MED1: variants seen among roughly 807,000 people sequenced by gnomAD.
The protein encoded by MED1 is mediator complex subunit 1.
A neutral mutation model predicts 121.3 loss-of-function variants in MED1; 17 were observed. The observed-to-expected ratio is 0.14, with a 90% CI of 0.10 to 0.21. The LOEUF is 0.21. Ranked by LOEUF, MED1 falls within the 10% of genes least tolerant of loss-of-function variation. MED1 has a pLI of 1.00. For synonymous variants in MED1, 661 were observed against 694.4 expected, an observed-to-expected ratio of 0.95 and a Z score of 0.76; for missense variants, 1,558 against 1,919.4, an observed-to-expected ratio of 0.81 and a Z score of 3.52.
At chr17:39,414,674 T>TTTTTTTTTTA (rs2048390339) in intron 16 of MED1, among the ~76,000 whole-genome samples, 1 of 34,946 alleles carries the variant, frequency 2.9e-5, no homozygotes, top group Non-Finnish European at 5.6e-5. Flanking sequence ...TTTTTTTTTT[T>TTTTTTTTTTA]ACAACAAAAA....
At chr17:39,447,930 T>A in intron 1 of MED1, 26 bp from the exon 2 acceptor site, 1 of 1,469,238 alleles carries the variant, frequency 6.8e-7, no homozygotes, top group Non-Finnish European at 9.5e-7. Flanking sequence ...GAAAACGTTA[T>A]CAGTAACTGT....
chr17:39,420,195 CTCTTT>C (rs1334441680), intron 13 of MED1, among the ~76,000 whole-genome samples: 1 of 148,660 alleles, frequency 6.7e-6, no homozygotes, highest in African/African-American at 2.5e-5. Flanking sequence ...AATGCAAAAT[CTCTTT>C]TTTTTTTTTT....
At position 39,406,065 on chromosome 17, in the gene MED1, CT is replaced by C; in HGVS notation, c.*1409del. ...GAGAGGACCCTCCAAATACTGAGAA[CT>C]TCTGTTGCACTCGAAACAGTCTCCT... On this transcript the variant is annotated 3_prime_UTR_variant, in exon 17 of 17. Transcript: ENST00000300651. 1 of 985,522 alleles carries C rather than the reference CT, an allele frequency of 1.0e-6. No homozygotes were observed. Among genetic ancestry groups the C allele is most frequent in the African/African-American group, 1.7e-5 (1 of 57,342 alleles). 61.0% of individuals were successfully genotyped at this position (985,522 alleles called of 1,614,324 possible).
At position 39,407,966 on chromosome 17, in the gene MED1, C is replaced by T. The variant is rs1460585811; in HGVS notation, c.4255G>A (p.Glu1419Lys). The T allele has an allele frequency of 1.2e-6, 2 of 1,614,102 alleles. No homozygotes were observed. Among genetic ancestry groups the T allele is most frequent in the Non-Finnish European group, 1.7e-6 (2 of 1,180,026 alleles). The stretch of plus-strand genomic sequence containing the variant: ...GAAGCCATTTGAGGCCTAAGCCCTT[C>T]TCCACTACTTTCCCCAGGTTTCTGC... ...TLQKPGESSG[E>K]GLRPQMASSK... The change falls in exon 17 of 17, where the codon GAA (glutamate) becomes AAA (lysine). Residue 1419 changes from glutamate (E) to lysine (K), a missense_variant. Around this residue, in one of 5 missense-constraint regions of MED1, gnomAD observed 264 missense variants for 326.1 expected, o/e 0.81. Coordinates refer to ENST00000300651, the MANE Select transcript of MED1 (RefSeq NM_004774.4).
intron 6 of MED1, 79 bp downstream of exon 6, chr17:39,439,086 T>C: frequency 7.7e-7 from 1 of 1,294,716 alleles, no homozygotes; most frequent in Non-Finnish European, 1.1e-6. Flanking sequence ...GGAGAATAAC[T>C]TCTGACCAGT....
chr17:39,405,243 G>C lies in MED1; in HGVS notation c.*2232C>G, dbSNP rs529318502. On this transcript the variant is annotated 3_prime_UTR_variant, in exon 17 of 17. Coordinates refer to ENST00000300651, the MANE Select transcript of MED1 (RefSeq NM_004774.4). Reference sequence around the variant, plus strand: ...CAAGTTCAGATGCTGGGTCAGTGTGGGGGTGAGCCCATCGACAATTCAGGG... The same window carrying C: ...CAAGTTCAGATGCTGGGTCAGTGTGCGGGTGAGCCCATCGACAATTCAGGG... 3.8e-6 allele frequency: 6 copies of C among 1,596,570 alleles called. No homozygotes were observed. The East Asian group carries it at 1.1e-4, about 30-fold the overall frequency.
intron 9 of MED1, 93 bp from the exon 10 acceptor site, chr17:39,427,883 A>G (rs1222527488): frequency 2.5e-6 from 2 of 790,034 alleles, no homozygotes; most frequent in Admixed American, 5.6e-5. Context: ...GATATTCAAG[A>G]AAGTACTTTA....
Position 39,415,077 on chromosome 17 carries a change from A to T in MED1, c.1448T>A (p.Leu483Gln), listed in dbSNP as rs1237437451. ...THVSCKLYKG[L>Q]SDALICTDDF... is the part of the protein sequence containing the mutation. ...ATCTGTGCAGATCAGTGCATCCGAC[A>T]GCCCTTTGTAGAGTTTACAGCTCAC... The change falls in exon 16 of 17, where the codon CTG (leucine) becomes CAG (glutamine). Residue 483 changes from leucine (L) to glutamine (Q), a missense_variant. Physicochemically the swap from Leu to Gln is moderately radical, Grantham distance 113. Transcript: ENST00000300651. 6.2e-7 allele frequency: 1 copy of T among 1,614,104 alleles called. No homozygotes were observed. The highest frequency in any genetic ancestry group is 2.2e-5 in the East Asian group (1 of 44,894).
intron 1 of MED1, among the ~76,000 whole-genome samples, chr17:39,449,211 C>T (rs2048758135): frequency 6.6e-6 from 1 of 152,134 alleles, no homozygotes; most frequent in African/African-American, 2.4e-5. Context: ...AACAGGGTCT[C>T]GCTCTGTCGC....
At chr17:39,411,043 G>A (rs994434056) in intron 16 of MED1, among the ~76,000 whole-genome samples, 4 of 152,200 alleles carry the variant, frequency 2.6e-5, no homozygotes, top group East Asian at 1.9e-4. Flanking sequence ...CTTAGGGGCC[G>A]GGCACAGTGG....
At chr17:39,434,519 T>A (rs946251551) in intron 6 of MED1, among the ~76,000 whole-genome samples, 199 bp from the exon 7 acceptor site, 3 of 152,146 alleles carry the variant, frequency 2.0e-5, no homozygotes, top group African/African-American at 4.8e-5. Flanking sequence ...GTCTCCCTCC[T>A]CCATTTTTTC....
chr17:39,424,846 C>G, intron 10 of MED1, 108 bp from the exon 11 acceptor site: 1 of 687,882 alleles, frequency 1.5e-6, no homozygotes. Context: ...TATAATTTAT[C>G]AGATGCTGTT....
intron 11 of MED1, among the ~76,000 whole-genome samples, chr17:39,424,224 A>G (rs1191551366): frequency 6.6e-6 from 1 of 152,178 alleles, no homozygotes; most frequent in Non-Finnish European, 1.5e-5. Context: ...ACACAGACAC[A>G]TAAGTACAAA....
At chr17:39,439,298 C>T in intron 5 of MED1, 105 bp from the exon 6 acceptor site, 2 of 798,968 alleles carry the variant, frequency 2.5e-6, no homozygotes, top group Non-Finnish European at 3.9e-6. Context: ...ACAACAAAAC[C>T]ATTAAAACTA....
rs1225364516 is a variant in MED1 at position 39,409,769 on chromosome 17, T to C, written c.2452A>G (p.Ser818Gly). The stretch of plus-strand genomic sequence containing the variant: ...AAGACATCAGAGTCAAACAGGGTAC[T>C]CTGAGAATGCCCAGAGCTTGAAGAA... ...RDSSSSGHSQ[S>G]TLFDSDVFQT... Residue 818 changes from serine (S) to glycine (G), a missense_variant, in exon 17 of 17, where the codon AGT becomes GGT. Around this residue, in one of 5 missense-constraint regions of MED1, gnomAD observed 793 missense variants for 898.2 expected, o/e 0.88. Transcript: ENST00000300651. 2 of 1,614,212 alleles carry C rather than the reference T, an allele frequency of 1.2e-6. No homozygotes were observed. Among genetic ancestry groups the C allele is most frequent in the South Asian group, 1.1e-5 (1 of 91,086 alleles).
intron 7 of MED1, among the ~76,000 whole-genome samples, chr17:39,433,126 C>T (rs2048583247): frequency 6.6e-6 from 1 of 152,082 alleles, no homozygotes; most frequent in Non-Finnish European, 1.5e-5. Context: ...TCGCTTGAAC[C>T]CAGGAGGCGG....
rs769815287 is a variant in MED1 at position 39,431,168 on chromosome 17, G to T, written c.596C>A (p.Pro199His). The change falls in exon 9 of 17, where the codon CCC becomes CAC. Residue 199 changes from proline to histidine, a missense_variant. Transcript: ENST00000300651. The part of the protein sequence containing the change: ...IMYWKATNAG[P>H]LDKILHGSVG... ...ACTTCCATGAAGAATCTTATCCAAG[G>T]GACCAGCATTAGTTGCTTTCCTGTA... The T allele has an allele frequency of 6.2e-7, 1 of 1,613,302 alleles. No homozygotes were observed.
At chr17:39,434,137 A>G (rs2048596311) in intron 7 of MED1, 112 bp downstream of exon 7, 2 of 669,210 alleles carry the variant, frequency 3.0e-6, no homozygotes, top group Non-Finnish European at 5.1e-6. Flanking sequence ...CAGTATAAGT[A>G]GAAACTAGGA....
At chr17:39,443,289 C>T (rs955881078) in intron 3 of MED1, among the ~76,000 whole-genome samples, 4 of 151,904 alleles carry the variant, frequency 2.6e-5, no homozygotes, top group Admixed American at 6.6e-5. Context: ...AGCGAGCCAC[C>T]GCACCCAGCC....
Sources: gnomAD v4.1 joint callset for allele counts (sites outside exome capture counted in the v4.1 genomes callset) on GRCh38, gnomAD v4.1.1 for gene constraint, gnomAD v4.1.1 regional missense constraint, MANE v1.5 for transcripts, NCBI Gene and HGNC (gene_info 2026-07-23, HGNC 2026-07-21) for gene names.